PCDH15: variants seen among roughly 807,000 people sequenced by gnomAD.
PCDH15 encodes protocadherin-15.
Under a neutral mutation model 178.5 loss-of-function variants are expected in PCDH15, and 129 were observed. The observed-to-expected ratio is 0.72, with a 90% CI of 0.63 to 0.84. The LOEUF (loss-of-function observed/expected upper bound fraction) is 0.84, where lower values mean the gene tolerates loss of function less well. Among genes scored for constraint, PCDH15 ranks in the 40% least tolerant of loss-of-function variants. The probability of loss-of-function intolerance (pLI) is 0.00; values close to 1 mark genes in which losing one functional copy is unlikely to be tolerated. For synonymous variants in PCDH15, 800 were observed against 732.0 expected (o/e 1.09, Z -1.50); for missense variants, 2,230 against 2,099.9 (o/e 1.06, Z -1.21).
chr10:54,822,689 T>C lies in PCDH15; in HGVS notation c.-29+74761A>G, dbSNP rs559964731. 2.6e-5 allele frequency among the ~76,000 whole-genome samples: 4 copies of C among 152,166 alleles called. No homozygotes were observed. The South Asian group carries it at 8.3e-4, about 32-fold the overall frequency. ...CTGGATCACATGGTAATTCTATTTT[T>C]ATTTTTTTGAGGAACCTCCATACTC... On this transcript the variant is annotated intron_variant, in intron 3 of 5. Coordinates refer to the PCDH15 transcript ENST00000458638.
chr10:55,216,945 T>C (rs968654810), intron 1 of PCDH15, among the ~76,000 whole-genome samples: 3 of 151,948 alleles, frequency 2.0e-5, no homozygotes, highest in Non-Finnish European at 2.9e-5. Context: ...AAACTCTTTC[T>C]GTGAATTCTA....
chr10:55,424,692 A>C (rs1012367085), intron 2 of PCDH15, among the ~76,000 whole-genome samples: 2 of 152,132 alleles, frequency 1.3e-5, no homozygotes, highest in Non-Finnish European at 2.9e-5. Flanking sequence ...GTGTATAGGA[A>C]AGAGCTGGAA....
chr10:55,132,923 T>C (rs1838092818), intron 2 of PCDH15, among the ~76,000 whole-genome samples: 1 of 152,196 alleles, frequency 6.6e-6, no homozygotes, highest in African/African-American at 2.4e-5. Flanking sequence ...CCTAATTTAG[T>C]TGTTTCATTG....
At chr10:54,621,484 T>A (rs993729492) in intron 2 of PCDH15, among the ~76,000 whole-genome samples, 3 of 152,012 alleles carry the variant, frequency 2.0e-5, no homozygotes, top group Non-Finnish European at 4.4e-5. Flanking sequence ...TTCTGAATTG[T>A]CTTACCCTCT....
intron 2 of PCDH15, among the ~76,000 whole-genome samples, chr10:55,405,201 C>T (rs964132119): frequency 6.7e-6 from 1 of 150,024 alleles, no homozygotes; most frequent in Non-Finnish European, 1.5e-5. Context: ...ATATATATCT[C>T]ATTAATGAAT....
intron 18 of PCDH15, among the ~76,000 whole-genome samples, chr10:54,030,423 A>C (rs923020935): frequency 3.9e-4 from 57 of 146,150 alleles, no homozygotes; most frequent in African/African-American, 1.3e-3. Flanking sequence ...TGTGATTATT[A>C]GTGTAAAAGG....
chr10:55,207,987 C>A (rs1304954799), intron 1 of PCDH15, among the ~76,000 whole-genome samples: 2 of 151,828 alleles, frequency 1.3e-5, no homozygotes, highest in Non-Finnish European at 2.9e-5. Context: ...AACAAACAAA[C>A]AAAAAATTAA....
At chr10:54,969,485 C>T (rs890068254) in intron 2 of PCDH15, among the ~76,000 whole-genome samples, 9 of 152,190 alleles carry the variant, frequency 5.9e-5, no homozygotes, top group African/African-American at 1.4e-4. Flanking sequence ...TTTTCAGGTT[C>T]TTTCCATAGC....
chr10:55,416,051 GCAAACAAACAAA>G (rs142167707), intron 2 of PCDH15, among the ~76,000 whole-genome samples: 38 of 150,156 alleles, frequency 2.5e-4, no homozygotes, highest in Non-Finnish European at 4.3e-4. Flanking sequence ...AAACAAACAA[GCAAACAAACAAA>G]CAAACAAACA....
intron 5 of PCDH15, among the ~76,000 whole-genome samples, chr10:54,354,333 A>T (rs1944630603): frequency 6.6e-6 from 1 of 152,188 alleles, no homozygotes; most frequent in African/African-American, 2.4e-5. Flanking sequence ...AATGTTGTAA[A>T]ACAGCTAAAA....
chr10:55,359,515 A>G (rs532904267), intron 2 of PCDH15, among the ~76,000 whole-genome samples: 9 of 151,952 alleles, frequency 5.9e-5, no homozygotes, highest in South Asian at 2.1e-4. Flanking sequence ...AGCCAATATG[A>G]CAGTATGGCA....
chr10:55,466,533 C>G (rs1458428946), intron 2 of PCDH15, among the ~76,000 whole-genome samples: 1 of 152,016 alleles, frequency 6.6e-6, no homozygotes, highest in African/African-American at 2.4e-5. Flanking sequence ...ACCATTTTGC[C>G]GATGAGGAAA....
chr10:54,486,913 G>A (rs935871135), intron 3 of PCDH15, among the ~76,000 whole-genome samples: 3 of 151,912 alleles, frequency 2.0e-5, no homozygotes, highest in South Asian at 2.1e-4. Context: ...GGATTAGACC[G>A]TGGCCATGGA....
intron 23 of PCDH15, among the ~76,000 whole-genome samples, chr10:53,946,991 T>A (rs2086629881): frequency 6.6e-6 from 1 of 152,132 alleles, no homozygotes; most frequent in South Asian, 2.1e-4. Context: ...TTGGCCAGGC[T>A]GGTCTTGAAC....
chr10:55,018,344 T>C (rs1478602531), intron 2 of PCDH15, among the ~76,000 whole-genome samples: 1 of 152,238 alleles, frequency 6.6e-6, no homozygotes, highest in East Asian at 1.9e-4. Context: ...TATAAAATGA[T>C]GTTGTATTTG....
chr10:55,540,664 G>C (rs928037125), intron 2 of PCDH15, among the ~76,000 whole-genome samples: 1 of 152,002 alleles, frequency 6.6e-6, no homozygotes, highest in Admixed American at 6.6e-5. Flanking sequence ...ATCAATTAAA[G>C]GACAGGCTTT....
intron 3 of PCDH15, among the ~76,000 whole-genome samples, chr10:54,514,783 T>C (rs2137905365): frequency 6.6e-6 from 1 of 152,178 alleles, no homozygotes; most frequent in Non-Finnish European, 1.5e-5. Flanking sequence ...AAATAAAACA[T>C]TTACTTAGCA....
intron 2 of PCDH15, among the ~76,000 whole-genome samples, chr10:55,372,978 G>T (rs1845543183): frequency 1.3e-5 from 2 of 152,084 alleles, no homozygotes; most frequent in Non-Finnish European, 1.5e-5. Flanking sequence ...TTTTTAGGAG[G>T]TTGTAGCCTT....
intron 1 of PCDH15, among the ~76,000 whole-genome samples, chr10:54,776,540 A>G (rs1949727648): frequency 6.6e-6 from 1 of 152,168 alleles, no homozygotes; most frequent in African/African-American, 2.4e-5. Context: ...CCTGTATTTT[A>G]TAAAATGTCT....
Sources: gnomAD v4.1 joint callset for allele counts (sites outside exome capture counted in the v4.1 genomes callset) on GRCh38, gnomAD v4.1.1 for gene constraint, MANE v1.5 for transcripts, NCBI Gene and HGNC (gene_info 2026-07-23, HGNC 2026-07-21) for gene names.